NPHS2: variants seen among roughly 807,000 people sequenced by gnomAD.
The protein encoded by NPHS2 is podocin.
In NPHS2, 36 loss-of-function variants were observed where a neutral mutation model predicts 37.1. That is an observed-to-expected ratio of 0.97 (90% CI 0.74 to 1.28). The LOEUF (loss-of-function observed/expected upper bound fraction) is 1.28. Ranked by LOEUF, NPHS2 falls within the 50% of genes most tolerant of loss-of-function variation. The pLI is 0.00. For synonymous variants in NPHS2, 196 were observed against 189.3 expected (o/e 1.04, Z -0.29); for missense variants, 447 against 488.1 (o/e 0.92, Z 0.79).
intron 1 of NPHS2, among the ~76,000 whole-genome samples, chr1:179,566,703 A>T (rs1195006812): frequency 6.6e-6 from 1 of 152,206 alleles, no homozygotes; most frequent in Non-Finnish European, 1.5e-5. Context: ...TTTAGGTCTA[A>T]CATTTATGTC....
chr1:179,573,365 A>G (rs1304673513), intron 1 of NPHS2, among the ~76,000 whole-genome samples: 1 of 152,142 alleles, frequency 6.6e-6, no homozygotes, highest in Non-Finnish European at 1.5e-5. Context: ...TGCTCCACCA[A>G]AGAAGAACTT....
chr1:179,562,315 A>T (rs1400009484), intron 2 of NPHS2, among the ~76,000 whole-genome samples: 2 of 152,214 alleles, frequency 1.3e-5, no homozygotes, highest in Non-Finnish European at 2.9e-5. Context: ...TTGCGTGTTT[A>T]TCACTGATTT....
At chr1:179,563,467 C>T (rs546820853) in intron 2 of NPHS2, among the ~76,000 whole-genome samples, 1 of 152,288 alleles carries the variant, frequency 6.6e-6, no homozygotes, top group South Asian at 2.1e-4. Context: ...ATAGACCTAA[C>T]AGACATCTAC....
chr1:179,554,722 T>C (rs1266684379), intron 5 of NPHS2, 191 bp from the exon 6 acceptor site: 5 of 706,738 alleles, frequency 7.1e-6, no homozygotes, highest in Non-Finnish European at 1.2e-5. Context: ...CCAATAAATA[T>C]CTGTGCAATT....
chr1:179,557,470 C>A (rs765386640), intron 4 of NPHS2, among the ~76,000 whole-genome samples: 1 of 152,146 alleles, frequency 6.6e-6, no homozygotes, highest in Non-Finnish European at 1.5e-5. Context: ...AAATAATTTT[C>A]TCATAAGAAG....
intron 6 of NPHS2, among the ~76,000 whole-genome samples, chr1:179,554,151 CG>C (rs1673729799): frequency 6.6e-6 from 1 of 152,046 alleles, no homozygotes; most frequent in African/African-American, 2.4e-5. Context: ...TGACCTCAAG[CG>C]ATCCACCCAC....
chr1:179,560,696 C>A (rs574949550), intron 3 of NPHS2, among the ~76,000 whole-genome samples: 1 of 152,224 alleles, frequency 6.6e-6, no homozygotes, highest in South Asian at 2.1e-4. Context: ...TCCAAACCCC[C>A]ACTACTAAAC....
intron 4 of NPHS2, among the ~76,000 whole-genome samples, chr1:179,559,334 G>C (rs1674048374): frequency 6.6e-6 from 1 of 152,216 alleles, no homozygotes; most frequent in African/African-American, 2.4e-5. Context: ...TAGGTCAAAT[G>C]ATCATGGCCT....
In NPHS2 at chr1:179,575,881, C is replaced by T; in HGVS notation, c.-17G>A. The T allele has an allele frequency of 7.2e-7, 1 of 1,391,860 alleles. No homozygotes were observed. The highest frequency in any genetic ancestry group is 9.2e-7 in the Non-Finnish European group (1 of 1,081,330). The allele number at this position is 1,391,860 out of a possible 1,614,324, so 86.2% of individuals were successfully genotyped here. ...CCTCTCCATCCTCAGAGCTGCCGGG[C>T]GGCTGGAGCAGCAGCGCGGGAGCGC... On this transcript the variant is annotated 5_prime_UTR_variant, in exon 1 of 8. Coordinates refer to ENST00000367615, the MANE Select transcript of NPHS2 (RefSeq NM_014625.4).
At position 179,575,817 on chromosome 1, in the gene NPHS2, G is replaced by A. The variant is rs1674746920; in HGVS notation, c.48C>T (p.Gly16=). ...TGTTCTCCTTGTGCGGAGTCCTGCC[G>A]CCTCGCCCGCGGGACTCCCTGGAGG... ...RSSSRESRGR[G]GRTPHKENKR... The change falls in exon 1 of 8, where the codon GGC becomes GGT. Residue 16 remains glycine, a synonymous_variant. Coordinates refer to ENST00000367615, the MANE Select transcript of NPHS2 (RefSeq NM_014625.4). The A allele has an allele frequency of 5.5e-6, 8 of 1,459,514 alleles. No homozygotes were observed. Among genetic ancestry groups the A allele is most frequent in the Non-Finnish European group, 7.2e-6 (8 of 1,115,948 alleles). 90.4% of individuals were successfully genotyped at this position (1,459,514 alleles called of 1,614,324 possible). A position where few individuals can be genotyped will look rare whatever the true frequency, so the allele number is the denominator to read the frequency against.
chr1:179,557,327 G>C, intron 4 of NPHS2, 97 bp from the exon 5 acceptor site: 2 of 974,112 alleles, frequency 2.1e-6, no homozygotes, highest in Non-Finnish European at 3.2e-6. Flanking sequence ...AATTTTCTCC[G>C]CAAGAGAAAA....
chr1:179,565,946 T>C (rs527960166), intron 1 of NPHS2, among the ~76,000 whole-genome samples: 43 of 152,304 alleles, frequency 2.8e-4, no homozygotes, highest in Non-Finnish European at 5.6e-4. Flanking sequence ...GTATATGTGC[T>C]ACATTTTCTT....
chr1:179,559,901 C>T, intron 3 of NPHS2, 140 bp from the exon 4 acceptor site: 1 of 628,882 alleles, frequency 1.6e-6, no homozygotes, highest in Non-Finnish European at 3.0e-6. Flanking sequence ...CCACCTCCAC[C>T]TGAGGGTAAA....
intron 5 of NPHS2, among the ~76,000 whole-genome samples, chr1:179,554,987 A>G (rs551969177): frequency 6.6e-6 from 1 of 152,180 alleles, no homozygotes; most frequent in Non-Finnish European, 1.5e-5. Context: ...AAATGGAATG[A>G]TGCACTCTAA....
At chr1:179,565,818 G>A (rs1674313503) in intron 1 of NPHS2, among the ~76,000 whole-genome samples, 1 of 150,964 alleles carries the variant, frequency 6.6e-6, no homozygotes, top group African/African-American at 2.4e-5. Flanking sequence ...GAAAACATGT[G>A]GTGTTTGCTT....
At chr1:179,559,070 A>G (rs1674041141) in intron 4 of NPHS2, among the ~76,000 whole-genome samples, 1 of 152,186 alleles carries the variant, frequency 6.6e-6, no homozygotes, top group African/African-American at 2.4e-5. Context: ...GAATTGGCTC[A>G]TGTGCTTATG....
rs775431703 is a variant in NPHS2, at chr1:179,559,656, G to A, written c.534+23C>T. On this transcript the variant is annotated intron_variant, in intron 4 of 7. Coordinates refer to ENST00000367615, the MANE Select transcript of NPHS2 (RefSeq NM_014625.4). ...AGACCATGGAAAATGTATAGAGAAA[G>A]CAAAAGCCATCATTTGGCTTACCTC... The A allele has an allele frequency of 4.7e-6, 7 of 1,499,116 alleles. No homozygotes were observed. The South Asian group carries it at 6.0e-5, about 13-fold the overall frequency. The allele number at this position is 1,499,116 out of a possible 1,614,324, so 92.9% of individuals were successfully genotyped here. A position where few individuals can be genotyped will look rare whatever the true frequency, so the allele number is the denominator to read the frequency against.
At chr1:179,552,709 G>GGT (rs1477212686) in intron 6 of NPHS2, 28 bp from the exon 7 acceptor site, 2 of 1,580,536 alleles carry the variant, frequency 1.3e-6, no homozygotes, top group Non-Finnish European at 1.7e-6. Flanking sequence ...CAGGTATGTA[G>GGT]GTGTGCAGCC....
chr1:179,551,795 A>AC, intron 7 of NPHS2: 1 of 298,218 alleles, frequency 3.4e-6, no homozygotes, highest in Non-Finnish European at 6.4e-6. Context: ...TGAAAGGGTG[A>AC]CCCCCAACTC....
Sources: allele counts gnomAD v4.1 joint callset (sites outside exome capture counted in the v4.1 genomes callset), GRCh38; gene constraint gnomAD v4.1.1; transcripts MANE v1.5; gene names NCBI Gene and HGNC (gene_info 2026-07-23, HGNC 2026-07-21).